MGME1: variants seen among roughly 807,000 people sequenced by gnomAD.
The protein encoded by MGME1 is mitochondrial genome maintenance exonuclease 1, also known as chromosome 20 open reading frame 72.
MGME1 carries 22 observed loss-of-function variants against 33.0 expected under a neutral mutation model. That is an observed-to-expected ratio of 0.67 (90% CI 0.48 to 0.95). The LOEUF (loss-of-function observed/expected upper bound fraction) is 0.95, where lower values mean the gene tolerates loss of function less well. Among genes scored for constraint, MGME1 ranks in the 40% least tolerant of loss-of-function variants. MGME1 has a pLI of 0.00. For missense variants in MGME1, 383 were observed against 397.8 expected, an observed-to-expected ratio of 0.96 and a Z score of 0.32; for synonymous variants, 133 against 144.0, an observed-to-expected ratio of 0.92 and a Z score of 0.55.
At chr20:17,979,651 C>T (rs541433467) in intron 3 of MGME1, among the ~76,000 whole-genome samples, 53 of 148,374 alleles carry the variant, frequency 3.6e-4, no homozygotes, top group African/African-American at 1.2e-3. Flanking sequence ...CTCCTGACCT[C>T]GTGATCTGCC....
At chr20:17,979,550 C>T (rs968641654) in intron 3 of MGME1, among the ~76,000 whole-genome samples, 1 of 151,502 alleles carries the variant, frequency 6.6e-6, no homozygotes, top group Non-Finnish European at 1.5e-5. Context: ...GCTGGGACTA[C>T]AGGCGCATGC....
In MGME1 at chr20:17,990,840, T is replaced by C. The variant is rs1007649288; in HGVS notation, c.*731T>C. ...ACTATTTCTGGCGTGAGTCAACAGA[T>C]CATGTAGATAGAGTCAATTATTGTT... On this transcript the variant is annotated 3_prime_UTR_variant, in exon 5 of 5. Transcript: ENST00000377710. The C allele has an allele frequency of 5.3e-5, 8 of 152,184 alleles. No homozygotes were observed. Among genetic ancestry groups the C allele is most frequent in the African/African-American group, 1.9e-4 (8 of 41,442 alleles). The allele number at this position is 152,184 out of a possible 1,614,324, so 9.4% of individuals were successfully genotyped here. A position where few individuals can be genotyped will look rare whatever the true frequency, so the allele number is the denominator to read the frequency against.
chr20:17,985,052 AAAAAAG>A lies in MGME1; in HGVS notation c.732-3109_732-3104del, dbSNP rs1185376221. Among the ~76,000 whole-genome samples the A allele has an allele frequency of 2.2e-3, 335 of 150,732 alleles. 2 individuals are homozygous for A. The highest frequency in any genetic ancestry group is 7.3e-3 in the African/African-American group (302 of 41,222). ...ACTTTGTCTCAAAAAAAAAAAAAAA[AAAAAAG>A]AAAAGGAAAATATTTCTGTATAGTT... On this transcript the variant is annotated intron_variant, in intron 3 of 4. Coordinates refer to ENST00000377710, the MANE Select transcript of MGME1 (RefSeq NM_052865.4).
chr20:17,968,623 G>A (rs748135408), upstream of MGME1: 51 of 624,880 alleles, frequency 8.2e-5, no homozygotes, highest in South Asian at 7.6e-4. Context: ...AGGGCGCCAC[G>A]TGCTCCCCCA....
In MGME1 at chr20:17,975,793, A is replaced by G; in HGVS notation, c.621A>G (p.Glu207=). ...ATCTCCTCAAGTCTGGTTACATTGA[A>G]AGTGTCCAGCATATTCTGAAAGATG... The part of the protein sequence containing the change: ...DENLLKSGYI[E]SVQHILKDVS... The change falls in exon 3 of 5, where the codon GAA becomes GAG. Residue 207 remains glutamate, a synonymous_variant. Coordinates refer to ENST00000377710, the MANE Select transcript of MGME1 (RefSeq NM_052865.4). The G allele has an allele frequency of 6.2e-7, 1 of 1,614,180 alleles. No individual in the cohort carries two copies. Among genetic ancestry groups the G allele is most frequent in the Non-Finnish European group, 8.5e-7 (1 of 1,180,020 alleles).
At chr20:17,972,108 T>C (rs113402024) in intron 2 of MGME1, among the ~76,000 whole-genome samples, 193 of 152,248 alleles carry the variant, frequency 1.3e-3, no homozygotes, top group African/African-American at 4.1e-3. Flanking sequence ...ACAATTAGTG[T>C]CATGGTGAAT....
intron 3 of MGME1, among the ~76,000 whole-genome samples, chr20:17,982,330 G>T (rs946524643): frequency 6.6e-6 from 1 of 151,918 alleles, no homozygotes; most frequent in South Asian, 2.1e-4. Flanking sequence ...ATGTTGGCCA[G>T]GTTGGTCTCG....
chr20:17,968,604 C>T, upstream of MGME1: 1 of 633,952 alleles, frequency 1.6e-6, no homozygotes, highest in Non-Finnish European at 2.8e-6. Context: ...GCCCCGGGAG[C>T]AGGCGAGCAG....
chr20:17,978,820 G>T (rs1049090491), intron 3 of MGME1, among the ~76,000 whole-genome samples: 1 of 151,912 alleles, frequency 6.6e-6, no homozygotes, highest in Non-Finnish European at 1.5e-5. Flanking sequence ...CTGTCACCCA[G>T]ACTGGAGTGT....
At chr20:17,986,882 CAG>C (rs1191442539) in intron 3 of MGME1, among the ~76,000 whole-genome samples, 3 of 151,058 alleles carry the variant, frequency 2.0e-5, no homozygotes, top group South Asian at 4.2e-4. Context: ...TTGCTGCAAA[CAG>C]TGTTCTGTGG....
chr20:17,987,572 G>T (rs372547812), intron 3 of MGME1, among the ~76,000 whole-genome samples: 113 of 151,342 alleles, frequency 7.5e-4, no homozygotes, highest in South Asian at 3.8e-3. Context: ...TTTCTTTTCC[G>T]ATGTGGCTAC....
intron 3 of MGME1, among the ~76,000 whole-genome samples, chr20:17,983,019 G>C (rs1317695072): frequency 6.6e-6 from 1 of 152,070 alleles, no homozygotes; most frequent in East Asian, 1.9e-4. Context: ...TGACCTAACT[G>C]AAACCTCTTA....
chr20:17,984,719 G>T (rs2036111633), intron 3 of MGME1, among the ~76,000 whole-genome samples: 1 of 152,054 alleles, frequency 6.6e-6, no homozygotes, highest in Non-Finnish European at 1.5e-5. Context: ...TTTAATAATA[G>T]AAAAAGCATG....
chr20:17,974,061 G>GT (rs34206000), intron 2 of MGME1, among the ~76,000 whole-genome samples: 937 of 85,510 alleles, frequency 0.011, 28 homozygotes, highest in East Asian at 0.034. Flanking sequence ...CTCTTTGTGT[G>GT]TTTTTTTTTT....
At position 17,975,647 on chromosome 20, in the gene MGME1, GT is replaced by G. The variant is rs200856643; in HGVS notation, c.512-34del. The G allele has an allele frequency of 1.7e-4, 254 of 1,483,892 alleles. 1 individual carries two copies. In the African/African-American group the frequency reaches 2.7e-3, roughly 16 times the overall value. 91.9% of individuals were successfully genotyped at this position (1,483,892 alleles called of 1,614,324 possible). A position where few individuals can be genotyped will look rare whatever the true frequency, so the allele number is the denominator to read the frequency against. On this transcript the variant is annotated intron_variant, in intron 2 of 4. Coordinates refer to ENST00000377710, the MANE Select transcript of MGME1 (RefSeq NM_052865.4). Reference sequence around the variant, plus strand: ...GTTTTTCAGTGTTAGCTTTGTTTGTGTTTCCCCCCTCCCCTTTTCCCTGATT... The same window carrying G: ...GTTTTTCAGTGTTAGCTTTGTTTGTGTTCCCCCCTCCCCTTTTCCCTGATT...
rs41276408 is a variant in MGME1, at chr20:17,969,969, G to T, written c.110G>T (p.Arg37Leu). The T allele has an allele frequency of 6.2e-7, 1 of 1,614,060 alleles. No homozygotes were observed. The highest frequency in any genetic ancestry group is 8.5e-7 in the Non-Finnish European group (1 of 1,180,004). ...AFSTSSYSCG[R>L]KKKVNPYEEV... Reference sequence around the variant, plus strand: ...TCTACTTCCTCTTACTCATGTGGCCGGAAGAAAAAAGTGAACCCATATGAA... The same window carrying T: ...TCTACTTCCTCTTACTCATGTGGCCTGAAGAAAAAAGTGAACCCATATGAA... The change falls in exon 2 of 5, where the codon CGG becomes CTG. Residue 37 changes from arginine to leucine, a missense_variant. Coordinates refer to ENST00000377710, the MANE Select transcript of MGME1 (RefSeq NM_052865.4).
intron 3 of MGME1, among the ~76,000 whole-genome samples, chr20:17,981,073 T>C (rs1233373198): frequency 6.6e-6 from 1 of 152,214 alleles, no homozygotes; most frequent in Non-Finnish European, 1.5e-5. Flanking sequence ...GTCTGCCTTC[T>C]ACGCTCTTTT....
At chr20:17,981,695 C>A (rs528690031) in intron 3 of MGME1, among the ~76,000 whole-genome samples, 3 of 149,212 alleles carry the variant, frequency 2.0e-5, no homozygotes, top group Non-Finnish European at 3.0e-5. Context: ...GTCAGAGTCT[C>A]GCTCTATTGC....
Position 17,975,923 on chromosome 20 carries a change from T to A in MGME1, c.731+20T>A, listed in dbSNP as rs750572919. The A allele has an allele frequency of 7.6e-6, 12 of 1,576,514 alleles. No individual in the cohort carries two copies. Among genetic ancestry groups the A allele is most frequent in the Non-Finnish European group, 1.0e-5 (12 of 1,145,960 alleles). ...GTATCAGTAAGTATGAGATTGGAGG[T>A]GAATTAATACAGCGTAGGACAGATG... On this transcript the variant is annotated intron_variant, in intron 3 of 4. Transcript: ENST00000377710.
Sources: gnomAD v4.1 joint callset for allele counts (sites outside exome capture counted in the v4.1 genomes callset) on GRCh38, gnomAD v4.1.1 for gene constraint, MANE v1.5 for transcripts, NCBI Gene and HGNC (gene_info 2026-07-23, HGNC 2026-07-21) for gene names.